The following MTR variants were observed in gnomAD, a reference collection of about 807,000 sequenced individuals.
The protein encoded by MTR is methionine synthase.
A neutral mutation model predicts 154.8 loss-of-function variants in MTR; 84 were observed. That is an observed-to-expected ratio of 0.54 (90% CI 0.45 to 0.65). The LOEUF is 0.65. MTR is among the 30% of genes least tolerant of loss of function. The pLI is 0.00. For missense variants in MTR, 1,275 were observed against 1,570.2 expected, an observed-to-expected ratio of 0.81 and a Z score of 3.18; for synonymous variants, 554 against 553.9, an observed-to-expected ratio of 1.00 and a Z score of 0.00.
intron 2 of MTR, among the ~76,000 whole-genome samples, chr1:236,805,943 T>C (rs1425790804): frequency 6.6e-6 from 1 of 152,218 alleles, no homozygotes; most frequent in African/African-American, 2.4e-5. Flanking sequence ...AATTCAAGTT[T>C]CGTGTTTATT....
At chr1:236,795,840 G>T (rs910736302) in intron 1 of MTR, 103 bp downstream of exon 1, 369 of 1,566,326 alleles carry the variant, frequency 2.4e-4, no homozygotes, top group Non-Finnish European at 2.9e-4. Context: ...GAGACGCCCG[G>T]CGGTGTTTCC....
At chr1:236,844,571 G>A (rs939897931) in intron 15 of MTR, among the ~76,000 whole-genome samples, 1 of 151,824 alleles carries the variant, frequency 6.6e-6, no homozygotes, top group Non-Finnish European at 1.5e-5. Context: ...AGGAACTGAT[G>A]CAGGAGATAA....
At chr1:236,820,943 T>A (rs1572211082) in intron 8 of MTR, among the ~76,000 whole-genome samples, 1 of 152,256 alleles carries the variant, frequency 6.6e-6, no homozygotes, top group East Asian at 1.9e-4. Context: ...TATCTGTATA[T>A]CTTCTTTGGT....
chr1:236,852,240 C>A (rs1213709397), intron 16 of MTR, among the ~76,000 whole-genome samples: 1 of 141,758 alleles, frequency 7.1e-6, no homozygotes, highest in Non-Finnish European at 1.5e-5. Flanking sequence ...ATAAGGAATT[C>A]CTCTTTGTCT....
At chr1:236,896,808 C>T (rs1270911813) in intron 31 of MTR, among the ~76,000 whole-genome samples, 198 bp from the exon 32 acceptor site, 1 of 152,140 alleles carries the variant, frequency 6.6e-6, no homozygotes, top group African/African-American at 2.4e-5. Flanking sequence ...CTGCATGTCC[C>T]GAATTTGTTT....
chr1:236,832,349 A>G (rs1433656561), intron 13 of MTR, among the ~76,000 whole-genome samples: 3 of 152,218 alleles, frequency 2.0e-5, no homozygotes, highest in South Asian at 2.1e-4. Context: ...AGCTATTTCT[A>G]TTAATCATGA....
chr1:236,894,182 A>G (rs748479897), intron 29 of MTR, among the ~76,000 whole-genome samples, 175 bp from the exon 30 acceptor site: 37 of 152,328 alleles, frequency 2.4e-4, no homozygotes, highest in Admixed American at 7.8e-4. Flanking sequence ...GATACTCACT[A>G]TGTGTCAGAC....
intron 1 of MTR, 76 bp downstream of exon 1, chr1:236,795,813 A>T (rs1426877240): frequency 6.2e-7 from 1 of 1,608,208 alleles, no homozygotes; most frequent in Non-Finnish European, 8.5e-7. Flanking sequence ...CCCTGGGGCG[A>T]TTCCCTTCTG....
chr1:236,817,041 A>G (rs928704524), intron 8 of MTR, among the ~76,000 whole-genome samples: 2 of 152,202 alleles, frequency 1.3e-5, no homozygotes, highest in East Asian at 3.8e-4. Context: ...GCTCCTATGA[A>G]TAACCACTGT....
At chr1:236,827,901 G>A (rs1662385462) in intron 11 of MTR, among the ~76,000 whole-genome samples, 1 of 152,104 alleles carries the variant, frequency 6.6e-6, no homozygotes, top group African/African-American at 2.4e-5. Flanking sequence ...TTTCATGTGT[G>A]TCATATGTTC....
chr1:236,824,243 C>T (rs986721458), intron 9 of MTR, 24 bp downstream of exon 9: 2 of 1,541,478 alleles, frequency 1.3e-6, no homozygotes, highest in Non-Finnish European at 1.8e-6. Context: ...GGGGGTCACA[C>T]ATGGGGAGAT....
intron 31 of MTR, among the ~76,000 whole-genome samples, chr1:236,896,374 A>G (rs1272967664): frequency 6.6e-6 from 1 of 152,236 alleles, no homozygotes; most frequent in African/African-American, 2.4e-5. Context: ...AGCAGGAACA[A>G]CACTAACTCT....
At chr1:236,840,004 G>A (rs1663138402) in intron 15 of MTR, among the ~76,000 whole-genome samples, 1 of 152,162 alleles carries the variant, frequency 6.6e-6, no homozygotes, top group Admixed American at 6.5e-5. Flanking sequence ...TTGTCAACTG[G>A]GTGGGGTAGG....
chr1:236,832,916 C>T (rs1333466301), intron 13 of MTR, among the ~76,000 whole-genome samples: 1 of 152,218 alleles, frequency 6.6e-6, no homozygotes, highest in African/African-American at 2.4e-5. Context: ...CCTGGTTGCC[C>T]AGTTTCACCA....
At position 236,899,156 on chromosome 1, in the gene MTR, A is replaced by G. The variant is rs995519510; in HGVS notation, c.*1512A>G. On this transcript the variant is annotated 3_prime_UTR_variant, in exon 33 of 33. Transcript: ENST00000366577. ...ATCTATGGATTTAATACCATTTTCAATGGAAATTCCAACAGATTTTATTGA... is the reference window on the plus strand; with the variant it reads ...ATCTATGGATTTAATACCATTTTCAGTGGAAATTCCAACAGATTTTATTGA... 1.2e-4 allele frequency: 19 copies of G among 152,342 alleles called. No individual in the cohort carries two copies. Among genetic ancestry groups the G allele is most frequent in the African/African-American group, 3.8e-4 (16 of 41,572 alleles). The allele number at this position is 152,342 out of a possible 1,614,324, so 9.4% of individuals were successfully genotyped here.
In MTR at chr1:236,886,301, T is replaced by G; in HGVS notation, c.2785T>G (p.Tyr929Asp). 1 of 1,614,040 alleles carries G rather than the reference T, an allele frequency of 6.2e-7. No homozygotes were observed. Among genetic ancestry groups the G allele is most frequent in the Non-Finnish European group, 8.5e-7 (1 of 1,179,966 alleles). ...CTTTGTTTTTTAACAGGAGAGGAGA[T>G]ACTTACCCTTAAGTCAAGCCAGAAA... is the stretch of plus-strand genomic sequence containing the variant. ...DHYESLKERR[Y>D]LPLSQARKSG... The change falls in exon 27 of 33, where the codon TAC becomes GAC. Residue 929 changes from tyrosine (Y) to aspartate (D), a missense_variant. Physicochemically the swap from Tyr to Asp is radical, Grantham distance 160 (BLOSUM62 -3). Coordinates refer to ENST00000366577, the MANE Select transcript of MTR (RefSeq NM_000254.3).
intron 3 of MTR, among the ~76,000 whole-genome samples, chr1:236,808,142 G>A (rs991014361): frequency 6.6e-6 from 1 of 152,138 alleles, no homozygotes; most frequent in Admixed American, 6.6e-5. Context: ...TAAATCATAG[G>A]CAACACTATG....
At chr1:236,813,162 A>G (rs1661399862) in intron 6 of MTR, among the ~76,000 whole-genome samples, 1 of 152,130 alleles carries the variant, frequency 6.6e-6, no homozygotes, top group African/African-American at 2.4e-5. Flanking sequence ...ATGGAGTGAA[A>G]AGTGAATATC....
chr1:236,814,211 C>T (rs1661465053), intron 6 of MTR, among the ~76,000 whole-genome samples: 1 of 152,052 alleles, frequency 6.6e-6, no homozygotes, highest in Non-Finnish European at 1.5e-5. Context: ...TTTTATATGT[C>T]TTTTTAGAAA....
Sources: allele counts gnomAD v4.1 joint callset (sites outside exome capture counted in the v4.1 genomes callset), GRCh38; gene constraint gnomAD v4.1.1; transcripts MANE v1.5; gene names NCBI Gene and HGNC (gene_info 2026-07-23, HGNC 2026-07-21).